CABP5: variants seen among roughly 807,000 people sequenced by gnomAD.
The protein encoded by CABP5 is calcium-binding protein 5.
A neutral mutation model predicts 21.9 loss-of-function variants in CABP5; 17 were observed. The ratio of observed to expected loss-of-function variants is 0.78; its 90% CI spans 0.53 to 1.17. CABP5 has a LOEUF of 1.17. Among genes scored for constraint, CABP5 ranks in the 50% most tolerant of loss-of-function variants. The pLI, the probability that CABP5 is intolerant of heterozygous loss-of-function variation, is 0.00. For synonymous variants in CABP5, 85 were observed against 79.4 expected (o/e 1.07, Z -0.37); for missense variants, 229 against 228.9 (o/e 1.00, Z 0.00).
In CABP5 at chr19:48,033,123, T is replaced by C. The variant is rs183015119; in HGVS notation, c.496+1092A>G. Among the ~76,000 whole-genome samples, 596 of 150,754 alleles carry C rather than the reference T, an allele frequency of 4.0e-3. 5 individuals are homozygous for C. The highest frequency in any genetic ancestry group is 0.014 in the African/African-American group (580 of 41,050). ...TTCTAGCAATTCTCCTGTCTCAGCC[T>C]CCCAAGTAGCTGGGATTACAGGCAC... On this transcript the variant is annotated intron_variant, in intron 5 of 5. Transcript: ENST00000293255.
rs1270974856 is a variant in CABP5, at chr19:48,029,926, CAACA to C, written c.*627_*630del. 6.6e-6 allele frequency: 1 copy of C among 151,974 alleles called. No individual in the cohort carries two copies. Among genetic ancestry groups the C allele is most frequent in the African/African-American group, 2.4e-5 (1 of 41,360 alleles). 9.4% of individuals were successfully genotyped at this position (151,974 alleles called of 1,614,324 possible). ...GAGCCATTTCCAAGCCCAGCCTCAA[CAACA>C]ACTCTGTTTCCAGCTCTGTGACTGA... On this transcript the variant is annotated 3_prime_UTR_variant, in exon 6 of 6. Coordinates refer to ENST00000293255, the MANE Select transcript of CABP5 (RefSeq NM_019855.5).
chr19:48,039,706 T>G (rs1568414060), intron 3 of CABP5, among the ~76,000 whole-genome samples: 1 of 111,300 alleles, frequency 9.0e-6, no homozygotes, highest in African/African-American at 3.9e-5. Context: ...CCAATAGCTT[T>G]TTTTTTTTTT....
At chr19:48,033,619 G>C (rs1967370061) in intron 5 of CABP5, among the ~76,000 whole-genome samples, 1 of 152,180 alleles carries the variant, frequency 6.6e-6, no homozygotes, top group Non-Finnish European at 1.5e-5. Context: ...AGCCAGGGGA[G>C]AGGGGAAAGG....
At chr19:48,037,462 T>G (rs1967426269) in intron 4 of CABP5, among the ~76,000 whole-genome samples, 1 of 151,662 alleles carries the variant, frequency 6.6e-6, no homozygotes, top group Non-Finnish European at 1.5e-5. Flanking sequence ...GAGACGGGGT[T>G]TCTCCATGTT....
chr19:48,039,823 C>T (rs1004215773), intron 3 of CABP5, among the ~76,000 whole-genome samples: 7 of 142,800 alleles, frequency 4.9e-5, no homozygotes, highest in East Asian at 2.2e-4. Context: ...AAGCGATTCT[C>T]GTACCTTAGC....
intron 2 of CABP5, 107 bp downstream of exon 2, chr19:48,041,466 T>G: frequency 9.2e-7 from 1 of 1,083,142 alleles, no homozygotes; most frequent in Non-Finnish European, 1.4e-6. Context: ...AGAGAGGGAT[T>G]GTAAAAATTC....
intron 3 of CABP5, among the ~76,000 whole-genome samples, chr19:48,040,160 A>G (rs1378362548): frequency 6.6e-6 from 1 of 152,186 alleles, no homozygotes; most frequent in African/African-American, 2.4e-5. Context: ...ATACAGCTCC[A>G]ATCTCGTGCT....
intron 5 of CABP5, among the ~76,000 whole-genome samples, chr19:48,033,653 T>G (rs11883300): frequency 6.6e-6 from 1 of 151,858 alleles, no homozygotes; most frequent in African/African-American, 2.4e-5. Flanking sequence ...AAGGACAACT[T>G]GAGCAAAGAC....
intron 3 of CABP5, 71 bp from the exon 4 acceptor site, chr19:48,039,388 G>C (rs557461807): frequency 4.3e-6 from 5 of 1,162,926 alleles, no homozygotes; most frequent in Non-Finnish European, 6.5e-6. Context: ...TTTGTGCTTC[G>C]AGTCAGTTAG....
In CABP5 at chr19:48,034,275, C is replaced by T. The variant is rs1380996642; in HGVS notation, c.436G>A (p.Glu146Lys). Residue 146 changes from glutamate (E) to lysine (K), a missense_variant, in exon 5 of 6, where the codon GAG becomes AAG. Transcript: ENST00000293255. ...RLLGERLTPREISEVVREADV... is the reference protein window; with the variant it reads ...RLLGERLTPRKISEVVREADV... ...GCCTCCCGGACAACCTCAGAGATCTCCCGGGGGGTGAGCCGCTCCCCCAGG... is the reference window on the plus strand; with the variant it reads ...GCCTCCCGGACAACCTCAGAGATCTTCCGGGGGGTGAGCCGCTCCCCCAGG... 2 of 1,608,476 alleles carry T rather than the reference C, an allele frequency of 1.2e-6. No individual in the cohort carries two copies. The highest frequency in any genetic ancestry group is 1.7e-6 in the Non-Finnish European group (2 of 1,177,886).
intron 5 of CABP5, 121 bp from the exon 6 acceptor site, chr19:48,030,703 C>A: frequency 1.2e-6 from 1 of 868,306 alleles, no homozygotes; most frequent in Non-Finnish European, 1.9e-6. Flanking sequence ...TACTTAATCC[C>A]TCTATGCTTC....
chr19:48,039,141 C>T (rs190809812), intron 4 of CABP5, 67 bp downstream of exon 4: 150 of 1,290,440 alleles, frequency 1.2e-4, no homozygotes, highest in Non-Finnish European at 1.6e-4. Flanking sequence ...ATGGCATTGG[C>T]TAATTACAGG....
intron 4 of CABP5, among the ~76,000 whole-genome samples, chr19:48,035,595 C>CA (rs1157491898): frequency 2.0e-5 from 3 of 151,920 alleles, no homozygotes; most frequent in African/African-American, 4.8e-5. Context: ...AAAACTGTCT[C>CA]AAAAAAAGAG....
At chr19:48,042,497 T>C (rs1967493514) in intron 1 of CABP5, among the ~76,000 whole-genome samples, 2 of 152,108 alleles carry the variant, frequency 1.3e-5, no homozygotes, top group South Asian at 4.1e-4. Context: ...TCTCCCTTTA[T>C]CCCTGGAGCC....
chr19:48,042,577 TC>T, intron 1 of CABP5, among the ~76,000 whole-genome samples: 1 of 118,192 alleles, frequency 8.5e-6, no homozygotes, highest in Non-Finnish European at 1.9e-5. Flanking sequence ...TCATTCTCTC[TC>T]TCTTTTTTTT....
intron 3 of CABP5, 138 bp from the exon 4 acceptor site, chr19:48,039,455 G>T: frequency 1.5e-6 from 1 of 664,768 alleles, no homozygotes; most frequent in Non-Finnish European, 2.7e-6. Flanking sequence ...CCCTCCAGCA[G>T]CTAACTCCAA....
intron 5 of CABP5, among the ~76,000 whole-genome samples, chr19:48,033,481 A>T (rs1299350771): frequency 2.0e-5 from 3 of 152,042 alleles, no homozygotes; most frequent in Non-Finnish European, 4.4e-5. Context: ...TAGGCAATAA[A>T]CTCTAGAGAT....
intron 4 of CABP5, among the ~76,000 whole-genome samples, chr19:48,037,259 C>CTTTT (rs57230665): frequency 0.03 from 1,349 of 44,916 alleles, 286 homozygotes; most frequent in South Asian, 0.038. Context: ...TACTATTCAG[C>CTTTT]TTTTTTTTTT....
At chr19:48,039,058 T>C in intron 4 of CABP5, 150 bp downstream of exon 4, 1 of 612,620 alleles carries the variant, frequency 1.6e-6, no homozygotes, top group Non-Finnish European at 2.9e-6. Flanking sequence ...AATACGTTAT[T>C]TTTCTTCCCT....
Sources: allele counts gnomAD v4.1 joint callset (sites outside exome capture counted in the v4.1 genomes callset), GRCh38; gene constraint gnomAD v4.1.1; transcripts MANE v1.5; gene names NCBI Gene and HGNC (gene_info 2026-07-23, HGNC 2026-07-21).